PIWIL2: variants seen among roughly 807,000 people sequenced by gnomAD.
The protein encoded by PIWIL2 is piwi-like protein 2.
A neutral mutation model predicts 116.5 loss-of-function variants in PIWIL2; 81 were observed. The ratio of observed to expected loss-of-function variants is 0.70; its 90% CI spans 0.58 to 0.84. The LOEUF (loss-of-function observed/expected upper bound fraction) is 0.84, where lower values mean the gene tolerates loss of function less well. Among genes scored for constraint, PIWIL2 ranks in the 40% least tolerant of loss-of-function variants. The probability of loss-of-function intolerance (pLI) is 0.00; values close to 1 mark genes in which losing one functional copy is unlikely to be tolerated. For synonymous variants in PIWIL2, 489 were observed against 429.5 expected (o/e 1.14, Z -1.71); for missense variants, 1,272 against 1,212.3 (o/e 1.05, Z -0.73).
rs1438083604 is a variant in PIWIL2 at position 22,289,835 on chromosome 8, T to C, written c.987-12T>C. On this transcript the variant is annotated splice_polypyrimidine_tract_variant and intron_variant, in intron 8 of 22. Transcript: ENST00000356766. ...CTTCTATTAGAAAACTCATACTTGC[T>C]TTTTATTTCAGGGTAATGAAACTTT... is the stretch of plus-strand genomic sequence containing the variant. 3 of 1,551,774 alleles carry C rather than the reference T, an allele frequency of 1.9e-6. No individual in the cohort carries two copies. Among genetic ancestry groups the C allele is most frequent in the Non-Finnish European group, 2.7e-6 (3 of 1,124,390 alleles).
At chr8:22,355,101 C>CA (rs560160338) in intron 22 of PIWIL2, among the ~76,000 whole-genome samples, 118 of 141,064 alleles carry the variant, frequency 8.4e-4, no homozygotes, top group East Asian at 4.0e-3. Context: ...ACAACAACAA[C>CA]AAAAAAAAAA....
At chr8:22,329,613 AC>A (rs1831811480) in intron 20 of PIWIL2, among the ~76,000 whole-genome samples, 1 of 152,038 alleles carries the variant, frequency 6.6e-6, no homozygotes, top group Non-Finnish European at 1.5e-5. Flanking sequence ...TAATCGAAAC[AC>A]CTCCCACCAT....
chr8:22,346,223 C>T (rs192374215), intron 20 of PIWIL2, among the ~76,000 whole-genome samples: 23 of 152,088 alleles, frequency 1.5e-4, no homozygotes, highest in African/African-American at 5.3e-4. Context: ...GACCTTGTCT[C>T]TAAAAATAAT....
At chr8:22,291,351 A>G (rs1043782224) in intron 10 of PIWIL2, among the ~76,000 whole-genome samples, 3 of 151,730 alleles carry the variant, frequency 2.0e-5, no homozygotes, top group Admixed American at 6.6e-5. Flanking sequence ...GGGTTTCACC[A>G]TGTTTCCCAG....
intron 4 of PIWIL2, among the ~76,000 whole-genome samples, chr8:22,282,598 GT>G (rs1001206952): frequency 8.5e-4 from 126 of 147,586 alleles, no homozygotes; most frequent in African/African-American, 2.8e-3. Context: ...CATATGTTGT[GT>G]TTTTTTTTTG....
chr8:22,280,881 T>A (rs1343912081), intron 2 of PIWIL2, among the ~76,000 whole-genome samples: 1 of 152,198 alleles, frequency 6.6e-6, no homozygotes, highest in Non-Finnish European at 1.5e-5. Context: ...AAGTTAATTC[T>A]GTTCTGTTGC....
At chr8:22,334,864 G>A (rs1563415199) in intron 20 of PIWIL2, among the ~76,000 whole-genome samples, 2 of 152,078 alleles carry the variant, frequency 1.3e-5, no homozygotes, top group African/African-American at 2.4e-5. Flanking sequence ...AGACCAGCCT[G>A]GCCAACATAG....
intron 10 of PIWIL2, among the ~76,000 whole-genome samples, chr8:22,297,584 C>T (rs992127393): frequency 6.6e-6 from 1 of 152,052 alleles, no homozygotes; most frequent in Admixed American, 6.6e-5. Flanking sequence ...AATGATAAGG[C>T]AGACTTTATT....
chr8:22,297,775 A>C (rs1830945665), intron 10 of PIWIL2, among the ~76,000 whole-genome samples: 1 of 152,106 alleles, frequency 6.6e-6, no homozygotes, highest in African/African-American at 2.4e-5. Context: ...GTTTCACCAA[A>C]TTTTTACAGT....
At chr8:22,325,546 T>G (rs1188879078) in intron 20 of PIWIL2, among the ~76,000 whole-genome samples, 1 of 139,292 alleles carries the variant, frequency 7.2e-6, no homozygotes, top group Non-Finnish European at 1.5e-5. Flanking sequence ...TGCAGAGACG[T>G]GATCTCCATT....
At chr8:22,297,003 T>C (rs756986574) in intron 10 of PIWIL2, among the ~76,000 whole-genome samples, 7 of 152,154 alleles carry the variant, frequency 4.6e-5, no homozygotes, top group Non-Finnish European at 8.8e-5. Flanking sequence ...TTTATTTTTA[T>C]TTTTTGATGG....
At chr8:22,275,491 C>T (rs1830340149) in intron 1 of PIWIL2, 93 bp downstream of exon 1, 1 of 152,492 alleles carries the variant, frequency 6.6e-6, no homozygotes, top group East Asian at 1.9e-4. Context: ...TGGGGTGAGC[C>T]GCCCTCCCGG....
chr8:22,282,707 C>A (rs188094995), intron 4 of PIWIL2, among the ~76,000 whole-genome samples: 2 of 152,192 alleles, frequency 1.3e-5, no homozygotes, highest in South Asian at 4.1e-4. Context: ...CCTCCCACCT[C>A]AGCCACCCGA....
At chr8:22,323,287 A>C (rs1379112938) in intron 20 of PIWIL2, among the ~76,000 whole-genome samples, 3 of 151,804 alleles carry the variant, frequency 2.0e-5, no homozygotes, top group Non-Finnish European at 4.4e-5. Context: ...AGCTGGGACT[A>C]TAGGCGTGTG....
At position 22,304,768 on chromosome 8, in the gene PIWIL2, C is replaced by T. The variant is rs1353364081; in HGVS notation, c.1371-16C>T. On this transcript the variant is annotated splice_polypyrimidine_tract_variant and intron_variant, in intron 11 of 22. Transcript: ENST00000356766. ...TGCTGCTTCTGAAATTTTTTCCTGC[C>T]TCTACTCTGCTCTAGCAAAAATTAT... 2 of 1,578,198 alleles carry T rather than the reference C, an allele frequency of 1.3e-6. No individual in the cohort carries two copies. The highest frequency in any genetic ancestry group is 1.7e-6 in the Non-Finnish European group (2 of 1,147,370).
At chr8:22,321,128 T>A (rs1351063560) in intron 20 of PIWIL2, among the ~76,000 whole-genome samples, 1 of 152,200 alleles carries the variant, frequency 6.6e-6, no homozygotes, top group East Asian at 1.9e-4. Context: ...AAAAAATAAA[T>A]TTGTTTTTAA....
intron 20 of PIWIL2, among the ~76,000 whole-genome samples, chr8:22,321,427 C>A (rs536915929): frequency 2.6e-5 from 4 of 152,306 alleles, no homozygotes; most frequent in African/African-American, 7.2e-5. Context: ...GGTTTCATTT[C>A]TTTCAGGTCC....
chr8:22,279,408 T>TTCAGGGGC lies in PIWIL2; in HGVS notation c.23_30dup (p.Gln11SerfsTer81). 7 of 1,614,156 alleles carry TTCAGGGGC rather than the reference T, an allele frequency of 4.3e-6. No individual in the cohort carries two copies. The highest frequency in any genetic ancestry group is 5.9e-6 in the Non-Finnish European group (7 of 1,179,996). ...GTCCATGGATCCTTTCCGACCATCG[T>TTCAGGGGC]TCAGGGGCCAGTCTCCTATCCACCC... On this transcript the variant is annotated frameshift_variant, in exon 2 of 23. Coordinates refer to ENST00000356766, the MANE Select transcript of PIWIL2 (RefSeq NM_018068.5). LOFTEE classifies it high-confidence loss of function.
chr8:22,344,540 A>G (rs1832182001), intron 20 of PIWIL2, among the ~76,000 whole-genome samples: 2 of 152,096 alleles, frequency 1.3e-5, no homozygotes, highest in Admixed American at 6.6e-5. Context: ...CAGACACACA[A>G]TGAGGTACCA....
Sources: gnomAD v4.1 joint callset for allele counts (sites outside exome capture counted in the v4.1 genomes callset) on GRCh38, gnomAD v4.1.1 for gene constraint, MANE v1.5 for transcripts, NCBI Gene and HGNC (gene_info 2026-07-23, HGNC 2026-07-21) for gene names.